The following CNBD1 variants were observed in gnomAD, a reference collection of about 807,000 sequenced individuals.
CNBD1 encodes the protein cyclic nucleotide-binding domain-containing protein 1.
In CNBD1, 71 loss-of-function variants were observed where a neutral mutation model predicts 54.4. The ratio of observed to expected loss-of-function variants is 1.30; its 90% CI spans 1.08 to 1.59. The LOEUF (loss-of-function observed/expected upper bound fraction) is 1.59. Among genes scored for constraint, CNBD1 ranks in the 40% most tolerant of loss-of-function variants. CNBD1 has a pLI of 0.00. For missense variants in CNBD1, 659 were observed against 518.0 expected (o/e 1.27, Z -2.64); for synonymous variants, 182 against 170.7 (o/e 1.07, Z -0.51).
At chr8:87,204,361 G>A (rs1228901533) in intron 4 of CNBD1, among the ~76,000 whole-genome samples, 1 of 152,120 alleles carries the variant, frequency 6.6e-6, no homozygotes, top group African/African-American at 2.4e-5. Flanking sequence ...TTCTGAAAAG[G>A]TAGGCTTGGA....
intron 6 of CNBD1, among the ~76,000 whole-genome samples, chr8:87,244,756 GC>G (rs1378695452): frequency 6.6e-6 from 1 of 152,096 alleles, no homozygotes; most frequent in African/African-American, 2.4e-5. Flanking sequence ...TATGCTAGGA[GC>G]TTTTAAGGTG....
chr8:87,379,637 A>T (rs1383376371), intron 10 of CNBD1, among the ~76,000 whole-genome samples: 1 of 152,054 alleles, frequency 6.6e-6, no homozygotes, highest in Non-Finnish European at 1.5e-5. Flanking sequence ...TTAGCAAATA[A>T]TGTAATGGTC....
At chr8:87,383,063 A>G (rs930155659), downstream of CNBD1, among the ~76,000 whole-genome samples, 4 of 152,076 alleles carry the variant, frequency 2.6e-5, no homozygotes, top group East Asian at 5.8e-4. Flanking sequence ...TATAAAGCAT[A>G]TGTAAAAGGC....
intron 4 of CNBD1, among the ~76,000 whole-genome samples, chr8:87,119,082 T>G (rs1811839197): frequency 6.6e-6 from 1 of 152,122 alleles, no homozygotes; most frequent in Non-Finnish European, 1.5e-5. Context: ...AACACAGGCC[T>G]TTTTTGGTTC....
intron 6 of CNBD1, among the ~76,000 whole-genome samples, chr8:87,255,041 G>A (rs28602182): frequency 0.019 from 2,849 of 151,942 alleles, 96 homozygotes; most frequent in African/African-American, 0.066. Flanking sequence ...GCCTATGTGC[G>A]AAAGAAGGGG....
chr8:87,352,057 A>C (rs1165898181), intron 9 of CNBD1, among the ~76,000 whole-genome samples: 1 of 152,174 alleles, frequency 6.6e-6, no homozygotes, highest in Non-Finnish European at 1.5e-5. Flanking sequence ...AGAGAAATGC[A>C]AGTTAAAACC....
At chr8:86,966,338 C>T (rs923731111) in intron 4 of CNBD1, among the ~76,000 whole-genome samples, 13 of 152,200 alleles carry the variant, frequency 8.5e-5, no homozygotes, top group African/African-American at 1.7e-4. Flanking sequence ...CTGGTGTGTC[C>T]GGAATTGGTT....
At chr8:86,966,938 C>T (rs935580795) in intron 4 of CNBD1, among the ~76,000 whole-genome samples, 2 of 152,168 alleles carry the variant, frequency 1.3e-5, no homozygotes, top group Non-Finnish European at 2.9e-5. Flanking sequence ...TTACAGAGAG[C>T]TGATCAGTCC....
chr8:87,197,066 G>A (rs1426369574), intron 4 of CNBD1, among the ~76,000 whole-genome samples: 1 of 152,294 alleles, frequency 6.6e-6, no homozygotes, highest in East Asian at 1.9e-4. Flanking sequence ...ACCACTGTAT[G>A]TGGTCTGGAT....
chr8:86,884,059 G>A (rs561788049), intron 1 of CNBD1, among the ~76,000 whole-genome samples: 6 of 151,644 alleles, frequency 4.0e-5, no homozygotes, highest in South Asian at 4.2e-4. Context: ...GGCTGAGGCA[G>A]GAGAATGGCG....
chr8:86,927,252 G>T (rs577050391), intron 3 of CNBD1, among the ~76,000 whole-genome samples: 2 of 152,080 alleles, frequency 1.3e-5, no homozygotes, highest in South Asian at 4.2e-4. Context: ...AAACCATTTT[G>T]TATTTACTAG....
At chr8:87,224,962 C>G (rs991724537) in intron 5 of CNBD1, among the ~76,000 whole-genome samples, 33 of 152,100 alleles carry the variant, frequency 2.2e-4, no homozygotes, top group African/African-American at 7.7e-4. Flanking sequence ...CCTTCACATC[C>G]CTTGTAAGTT....
At chr8:87,261,657 G>GGT (rs370569562) in intron 6 of CNBD1, among the ~76,000 whole-genome samples, 1 of 152,106 alleles carries the variant, frequency 6.6e-6, no homozygotes, top group African/African-American at 2.4e-5. Flanking sequence ...GTCAATGGGT[G>GGT]GTTAAATTAT....
intron 8 of CNBD1, among the ~76,000 whole-genome samples, chr8:87,338,618 TG>T (rs201030693): frequency 0.012 from 1,601 of 134,770 alleles, 38 homozygotes; most frequent in African/African-American, 0.04. Context: ...ATTTTTTCTT[TG>T]TTTTTTTTTT....
In CNBD1 at chr8:87,083,587, T is replaced by C. The variant is rs1396782953; in HGVS notation, c.432-122406T>C. On this transcript the variant is annotated intron_variant, in intron 4 of 10. Transcript: ENST00000518476. ...TTCTGGACCAAACCAATGTATTTCT[T>C]TTTTTTTTTTTTTTTTTTTGAGACG... 3.1e-4 allele frequency among the ~76,000 whole-genome samples: 30 copies of C among 97,046 alleles called. 3 individuals carry two copies. Among genetic ancestry groups the C allele is most frequent in the East Asian group, 8.1e-4 (3 of 3,700 alleles). The allele number at this position is 97,046 out of a possible 152,430, so 63.7% of individuals were successfully genotyped here. A position where few individuals can be genotyped will look rare whatever the true frequency, so the allele number is the denominator to read the frequency against.
chr8:86,887,546 GAA>G lies in CNBD1; in HGVS notation c.97_98del (p.Lys33ValfsTer2), dbSNP rs1808699506. ...PPPLHSIPNLKKSKHINYGQL... is the reference protein window; with the variant it reads ...PPPLHSIPNLXKSKHINYGQL... Reference sequence around the variant, plus strand: ...TTTTAATTGATTTTTTTTCAGACTTGAAAAAGTCTAAGCACATTAATTATGGC... The same window carrying G: ...TTTTAATTGATTTTTTTTCAGACTTGAAAGTCTAAGCACATTAATTATGGC... On this transcript the variant is annotated frameshift_variant, in exon 2 of 11. Coordinates refer to ENST00000518476, the MANE Select transcript of CNBD1 (RefSeq NM_173538.3). LOFTEE classifies it high-confidence loss of function. 5 of 1,554,308 alleles carry G rather than the reference GAA, an allele frequency of 3.2e-6. No individual in the cohort carries two copies. Among genetic ancestry groups the G allele is most frequent in the Non-Finnish European group, 4.4e-6 (5 of 1,146,050 alleles).
chr8:87,383,513 T>A (rs1811129776), downstream of CNBD1, among the ~76,000 whole-genome samples: 1 of 152,168 alleles, frequency 6.6e-6, no homozygotes, highest in South Asian at 2.1e-4. Flanking sequence ...GAGTCAATGT[T>A]AAAACTGAAG....
At position 86,979,227 on chromosome 8, in the gene CNBD1, A is replaced by C. The variant is rs566549083; in HGVS notation, c.431+39473A>C. On this transcript the variant is annotated intron_variant, in intron 4 of 10. Transcript: ENST00000518476. ...CTTCTTGTGTAGTTTTATTATGGGCAATATATTTTCCTTTTTTAAAATTAA... is the reference window on the plus strand; with the variant it reads ...CTTCTTGTGTAGTTTTATTATGGGCCATATATTTTCCTTTTTTAAAATTAA... Among the ~76,000 whole-genome samples the C allele has an allele frequency of 7.2e-5, 11 of 151,972 alleles. No homozygotes were observed. In the South Asian group the frequency reaches 2.1e-3, roughly 29 times the overall value.
At chr8:86,929,638 C>T (rs1196269186) in intron 3 of CNBD1, among the ~76,000 whole-genome samples, 1 of 152,148 alleles carries the variant, frequency 6.6e-6, no homozygotes, top group Non-Finnish European at 1.5e-5. Context: ...TTGAAGGCTG[C>T]ACACATGCGA....
Sources: gnomAD v4.1 joint callset for allele counts (sites outside exome capture counted in the v4.1 genomes callset) on GRCh38, gnomAD v4.1.1 for gene constraint, MANE v1.5 for transcripts, NCBI Gene and HGNC (gene_info 2026-07-23, HGNC 2026-07-21) for gene names.